Variants in WDR35 observed in about 807,000 individuals in gnomAD.
The protein encoded by WDR35 is WD repeat-containing protein 35.
A neutral mutation model predicts 158.3 loss-of-function variants in WDR35; 118 were observed. The ratio of observed to expected loss-of-function variants is 0.75; its 90% CI spans 0.64 to 0.87. The LOEUF (loss-of-function observed/expected upper bound fraction) is 0.87, where lower values mean the gene tolerates loss of function less well. Ranked by LOEUF, WDR35 falls within the 40% of genes least tolerant of loss-of-function variation. The probability of loss-of-function intolerance (pLI) is 0.00; values close to 1 mark genes in which losing one functional copy is unlikely to be tolerated. For synonymous variants in WDR35, 448 were observed against 476.1 expected (o/e 0.94, Z 0.77); for missense variants, 1,263 against 1,405.8 (o/e 0.90, Z 1.62).
Position 19,914,335 on chromosome 2 carries a change from T to C in WDR35, c.3122-58A>G, listed in dbSNP as rs1669932283. 3 of 1,603,324 alleles carry C rather than the reference T, an allele frequency of 1.9e-6. No homozygotes were observed. In the South Asian group the frequency reaches 3.3e-5, roughly 18 times the overall value. On this transcript the variant is annotated intron_variant, in intron 25 of 26. Coordinates refer to ENST00000281405, the MANE Select transcript of WDR35 (RefSeq NM_020779.4). ...AATAATTATTATGATATCATGAACA[T>C]GCAAAAGAAGAATCTAAGTTAAGGT...
Position 19,951,495 on chromosome 2 carries a change from G to T in WDR35, c.1401-11C>A, listed in dbSNP as rs758495625. 5 of 1,604,312 alleles carry T rather than the reference G, an allele frequency of 3.1e-6. No homozygotes were observed. In the Admixed American group the frequency reaches 8.4e-5, roughly 27 times the overall value. On this transcript the variant is annotated splice_polypyrimidine_tract_variant and intron_variant, in intron 12 of 26. Transcript: ENST00000281405. Reference sequence around the variant, plus strand: ...TCAACATGATAAATTCTGCAAAAAAGATCAGAATTTCAAAGAAAGTTTAAG... The same window carrying T: ...TCAACATGATAAATTCTGCAAAAAATATCAGAATTTCAAAGAAAGTTTAAG...
At chr2:19,984,916 A>G (rs1306869136) in intron 2 of WDR35, among the ~76,000 whole-genome samples, 1 of 152,210 alleles carries the variant, frequency 6.6e-6, no homozygotes, top group Non-Finnish European at 1.5e-5. Context: ...TGAGAAAGAG[A>G]TGGTACCATA....
chr2:19,931,376 G>A lies in WDR35; in HGVS notation c.2857C>T (p.Pro953Ser), dbSNP rs1670522190. 2.5e-6 allele frequency: 4 copies of A among 1,613,298 alleles called. No individual in the cohort carries two copies. In the East Asian group the frequency reaches 8.9e-5, roughly 36 times the overall value. ...ADEEAKKGSK[P>S]LRVKKLYVLS... ...ACATAGAGCTTCTTGACACGTAAAG[G>A]TTTACTTCCTTTCTTTGCCTCTTCA... Residue 953 changes from proline to serine, a missense_variant, in exon 24 of 27, where the codon CCT becomes TCT. Pro to Ser is a moderately conservative substitution (Grantham distance 74). Coordinates refer to ENST00000281405, the MANE Select transcript of WDR35 (RefSeq NM_020779.4).
At chr2:19,956,563 C>G (rs1572346249) in intron 11 of WDR35, among the ~76,000 whole-genome samples, 1 of 150,222 alleles carries the variant, frequency 6.7e-6, no homozygotes, top group South Asian at 2.1e-4. Context: ...AATATAAATA[C>G]AATATAAATT....
intron 2 of WDR35, among the ~76,000 whole-genome samples, chr2:19,986,432 G>T (rs1024811424): frequency 2.0e-5 from 3 of 152,336 alleles, no homozygotes; most frequent in Admixed American, 6.5e-5. Context: ...AATTCTAATA[G>T]AAGAGGGAAA....
rs62109413 is a variant in WDR35 at position 19,952,355 on chromosome 2, C to T, written c.1401-871G>A. On this transcript the variant is annotated intron_variant, in intron 12 of 26. Coordinates refer to ENST00000281405, the MANE Select transcript of WDR35 (RefSeq NM_020779.4). ...AAGTGTCTGGCACGTAAGAAGTACCCAATAAATGTTGGCTGTTATCACCAT... is the reference window on the plus strand; with the variant it reads ...AAGTGTCTGGCACGTAAGAAGTACCTAATAAATGTTGGCTGTTATCACCAT... Among the ~76,000 whole-genome samples the T allele has an allele frequency of 0.081, 12,297 of 152,124 alleles. 705 individuals are homozygous for T. Among genetic ancestry groups the T allele is most frequent in the South Asian group, 0.2 (951 of 4,820 alleles).
At chr2:19,915,436 CA>C (rs35591858) in intron 25 of WDR35, among the ~76,000 whole-genome samples, 2,204 of 120,004 alleles carry the variant, frequency 0.018, 42 homozygotes, top group African/African-American at 0.058. Flanking sequence ...TTACCACTGA[CA>C]AAAAAAAAAA....
At chr2:19,975,341 C>G (rs1483214329) in intron 6 of WDR35, among the ~76,000 whole-genome samples, 189 bp downstream of exon 6, 1 of 151,918 alleles carries the variant, frequency 6.6e-6, no homozygotes, top group Non-Finnish European at 1.5e-5. Flanking sequence ...CACTAATTTG[C>G]CTTGAGAAAA....
At chr2:19,962,270 T>C (rs1671687500) in intron 10 of WDR35, 5 of 1,612,902 alleles carry the variant, frequency 3.1e-6, no homozygotes, top group African/African-American at 1.3e-5. Flanking sequence ...TGATCAGCTA[T>C]ATAAGAGCTA....
intron 25 of WDR35, among the ~76,000 whole-genome samples, chr2:19,929,820 A>C (rs1455100393): frequency 6.6e-6 from 1 of 152,106 alleles, no homozygotes; most frequent in Non-Finnish European, 1.5e-5. Context: ...TTATTTTACA[A>C]ATTGTTAGAT....
Position 19,986,747 on chromosome 2 carries a change from C to T in WDR35, c.142+2418G>A, listed in dbSNP as rs142839486. ...GAAGCTGGCCTGTGAGAGAAGTAAA[C>T]CTGATGTAAAAAGATGGATTGCTGG... On this transcript the variant is annotated intron_variant, in intron 2 of 26. Transcript: ENST00000281405. Among the ~76,000 whole-genome samples the T allele has an allele frequency of 5.1e-3, 784 of 152,236 alleles. 12 individuals carry two copies. Among genetic ancestry groups the T allele is most frequent in the African/African-American group, 0.018 (757 of 41,526 alleles).
intron 8 of WDR35, among the ~76,000 whole-genome samples, chr2:19,971,265 G>A (rs1175202585): frequency 6.6e-6 from 1 of 152,124 alleles, no homozygotes; most frequent in Non-Finnish European, 1.5e-5. Flanking sequence ...TAGTTTGAAT[G>A]TCTGTCCCCT....
intron 4 of WDR35, 97 bp from the exon 5 acceptor site, chr2:19,978,976 C>A: frequency 1.4e-6 from 2 of 1,455,962 alleles, no homozygotes; most frequent in Non-Finnish European, 1.9e-6. Flanking sequence ...CGCCATGGGA[C>A]AAATAACTGC....
intron 9 of WDR35, 42 bp from the exon 10 acceptor site, chr2:19,966,951 G>C (rs776251029): frequency 6.3e-7 from 1 of 1,590,078 alleles, no homozygotes; most frequent in South Asian, 1.1e-5. Context: ...GATTGAAAGG[G>C]AGAAGAATTA....
intron 16 of WDR35, among the ~76,000 whole-genome samples, chr2:19,944,724 G>C (rs1408870578): frequency 6.6e-6 from 1 of 152,072 alleles, no homozygotes. Context: ...CTTTAACAGA[G>C]CCTTTGAGAG....
chr2:19,916,775 G>T (rs1670004267), intron 25 of WDR35, among the ~76,000 whole-genome samples: 1 of 152,164 alleles, frequency 6.6e-6, no homozygotes, highest in African/African-American at 2.4e-5. Context: ...AAAGCACCTG[G>T]GGAAAGGGGT....
intron 5 of WDR35, among the ~76,000 whole-genome samples, chr2:19,978,384 C>T (rs1272928593): frequency 6.6e-6 from 1 of 151,782 alleles, no homozygotes; most frequent in East Asian, 1.9e-4. Context: ...CCAACAATGA[C>T]ATATTCAGTT....
intron 3 of WDR35, 103 bp downstream of exon 3, chr2:19,982,360 A>T: frequency 8.9e-7 from 1 of 1,122,746 alleles, no homozygotes; most frequent in East Asian, 2.5e-5. Context: ...TGTACTGTAA[A>T]TATTACCATT....
chr2:19,936,253 C>T lies in WDR35; in HGVS notation c.2380G>A (p.Ala794Thr). The change falls in exon 20 of 27, where the codon GCC (alanine) becomes ACC (threonine). Residue 794 changes from alanine to threonine, a missense_variant. Transcript: ENST00000281405. ...DDSLLEQANN[A>T]IGDYFADRQK... ...CGATCAGCAAAGTAGTCTCCAATGG[C>T]ATTGTTGGCTTGTTCCAGGAGACTG... is the stretch of plus-strand genomic sequence containing the variant. 6.2e-7 allele frequency: 1 copy of T among 1,613,992 alleles called. No individual in the cohort carries two copies. The highest frequency in any genetic ancestry group is 2.2e-5 in the East Asian group (1 of 44,868).
Sources: allele counts gnomAD v4.1 joint callset (sites outside exome capture counted in the v4.1 genomes callset), GRCh38; gene constraint gnomAD v4.1.1; transcripts MANE v1.5; gene names NCBI Gene and HGNC (gene_info 2026-07-23, HGNC 2026-07-21).